The following MAGED1 variants were observed in gnomAD, a reference collection of about 807,000 sequenced individuals.
MAGED1 encodes the protein MAGE family member D1.
Under a neutral mutation model 54.1 loss-of-function variants are expected in MAGED1, and 3 were observed. That is an observed-to-expected ratio of 0.06 (90% CI 0.03 to 0.14). The LOEUF (loss-of-function observed/expected upper bound fraction) is 0.14, where lower values mean the gene tolerates loss of function less well. Ranked by LOEUF, MAGED1 falls within the 10% of genes least tolerant of loss-of-function variation. The probability of loss-of-function intolerance (pLI) is 1.00; values close to 1 mark genes in which losing one functional copy is unlikely to be tolerated. For synonymous variants in MAGED1, 217 were observed against 227.3 expected, an observed-to-expected ratio of 0.95 and a Z score of 0.41; for missense variants, 485 against 623.4, an observed-to-expected ratio of 0.78 and a Z score of 2.36.
At chrX:51,837,835 T>C (rs1489185753) in intron 1 of MAGED1, among the ~76,000 whole-genome samples, 1 of 112,531 alleles carries the variant, frequency 8.9e-6, no homozygotes, top group Non-Finnish European at 1.9e-5. Context: ...CCCAGGCTGC[T>C]TCTGCACTGT....
intron 2 of MAGED1, 98 bp from the exon 3 acceptor site, chrX:51,894,955 C>A: frequency 1.1e-6 from 1 of 924,388 alleles, no homozygotes; most frequent in Non-Finnish European, 1.5e-6. Flanking sequence ...CGCCCGCCTG[C>A]AGCTCCGCTG....
upstream of MAGED1, among the ~76,000 whole-genome samples, chrX:51,891,665 G>A (rs1390603823): frequency 7.1e-5 from 8 of 112,363 alleles, no homozygotes; most frequent in Admixed American, 1.9e-4. Context: ...CTAAATGGGG[G>A]AGAAAGGCAT....
intron 1 of MAGED1, 128 bp from the exon 2 acceptor site, chrX:51,894,141 A>G (rs1928581338): frequency 2.3e-6 from 1 of 436,996 alleles, no homozygotes; most frequent in Admixed American, 3.8e-5. Context: ...ATTCACTTTT[A>G]CCGCTCCGAT....
intron 1 of MAGED1, among the ~76,000 whole-genome samples, chrX:51,839,765 G>A (rs1926386211): frequency 9.0e-6 from 1 of 111,709 alleles, no homozygotes; most frequent in South Asian, 3.8e-4. Context: ...CAATATGTCT[G>A]CAAATATTTT....
At chrX:51,864,761 T>C (rs1252231799) in intron 1 of MAGED1, among the ~76,000 whole-genome samples, 2 of 111,904 alleles carry the variant, frequency 1.8e-5, no homozygotes, top group Non-Finnish European at 3.8e-5. Flanking sequence ...GGATTATTTA[T>C]TGTTAGTACA....
intron 1 of MAGED1, among the ~76,000 whole-genome samples, chrX:51,830,135 A>G (rs886961157): frequency 5.3e-5 from 6 of 112,339 alleles, no homozygotes; most frequent in African/African-American, 1.9e-4. Flanking sequence ...TCACATCAAT[A>G]TATATCAGTG....
At chrX:51,892,653 C>T (rs1569556001), upstream of MAGED1, among the ~76,000 whole-genome samples, 1 of 111,463 alleles carries the variant, frequency 9.0e-6, no homozygotes, top group Non-Finnish European at 1.9e-5. Context: ...AGAGCATGAG[C>T]TTGGGCCTCC....
chrX:51,832,192 G>A (rs1019896641), intron 1 of MAGED1, among the ~76,000 whole-genome samples: 1 of 110,321 alleles, frequency 9.1e-6, no homozygotes, highest in Non-Finnish European at 1.9e-5. Context: ...ACCACACCTG[G>A]CTAATTTTTG....
intron 1 of MAGED1, among the ~76,000 whole-genome samples, chrX:51,860,477 G>A (rs782403118): frequency 7.7e-4 from 86 of 111,672 alleles, no homozygotes; most frequent in African/African-American, 2.7e-3. Flanking sequence ...CAAGGATGAT[G>A]CCCAGTTGTC....
At chrX:51,860,606 A>G (rs1355384253) in intron 1 of MAGED1, among the ~76,000 whole-genome samples, 1 of 111,574 alleles carries the variant, frequency 9.0e-6, no homozygotes, top group Non-Finnish European at 1.9e-5. Context: ...TTCAGTAGGT[A>G]GTCCGGAATT....
intron 1 of MAGED1, among the ~76,000 whole-genome samples, chrX:51,862,164 T>C (rs1927304868): frequency 9.0e-6 from 1 of 111,630 alleles, no homozygotes; most frequent in African/African-American, 3.3e-5. Flanking sequence ...TTTGTATATC[T>C]GTTGTCCTAG....
intron 1 of MAGED1, among the ~76,000 whole-genome samples, chrX:51,846,002 C>G (rs898773989): frequency 1.8e-5 from 2 of 110,641 alleles, no homozygotes; most frequent in Non-Finnish European, 3.8e-5. Context: ...TCTTGAATTC[C>G]TGAGCTCAAG....
In MAGED1 at chrX:51,900,184, A is replaced by G; in HGVS notation, c.1847A>G (p.Tyr616Cys). 8.4e-7 allele frequency: 1 copy of G among 1,189,173 alleles called. No individual in the cohort carries two copies. The highest frequency in any genetic ancestry group is 1.1e-6 in the Non-Finnish European group (1 of 876,123). Residue 616 changes from tyrosine (Y) to cysteine (C), a missense_variant and splice_region_variant, in exon 11 of 13, where the codon TAC becomes TGC. Physicochemically the swap from Tyr to Cys is radical, Grantham distance 194. Around this residue, in one of 2 missense-constraint regions of MAGED1, gnomAD observed 186 missense variants for 330.3 expected, o/e 0.56. Coordinates refer to ENST00000326587, the MANE Select transcript of MAGED1 (RefSeq NM_006986.4). The part of the protein sequence containing the change: ...LLTYEFVKQK[Y>C]LDYRRVPNSN... Reference sequence around the variant, plus strand: ...CAAAGACTGTTTTGCTCTTTCAGATACCTGGACTACAGACGAGTGCCCAAC... The same window carrying G: ...CAAAGACTGTTTTGCTCTTTCAGATGCCTGGACTACAGACGAGTGCCCAAC...
chrX:51,858,100 C>G (rs1350594164), intron 1 of MAGED1: 2 of 112,458 alleles, frequency 1.8e-5, no homozygotes, highest in African/African-American at 6.5e-5. Flanking sequence ...ACACGCCTGC[C>G]AGTGTGCCAA....
chrX:51,884,572 T>C (rs1340737643), intron 1 of MAGED1, among the ~76,000 whole-genome samples: 2 of 112,086 alleles, frequency 1.8e-5, no homozygotes, highest in Non-Finnish European at 3.8e-5. Context: ...CAAAGAAGGA[T>C]GAACAGCATT....
intron 1 of MAGED1, among the ~76,000 whole-genome samples, chrX:51,813,747 G>A (rs1925308719): frequency 9.0e-6 from 1 of 111,520 alleles, no homozygotes; most frequent in African/African-American, 3.3e-5. Flanking sequence ...ATCATGGGGG[G>A]AAGGGAGTAT....
intron 5 of MAGED1, 56 bp from the exon 6 acceptor site, chrX:51,897,491 G>C: frequency 1.0e-6 from 1 of 989,934 alleles, no homozygotes; most frequent in Non-Finnish European, 1.4e-6. Context: ...CTGGCAAAGG[G>C]ACTGCTGCTC....
intron 1 of MAGED1, 127 bp from the exon 2 acceptor site, chrX:51,894,142 C>G: frequency 2.3e-6 from 1 of 437,270 alleles, no homozygotes; most frequent in South Asian, 4.1e-5. Flanking sequence ...TTCACTTTTA[C>G]CGCTCCGATC....
intron 1 of MAGED1, among the ~76,000 whole-genome samples, chrX:51,833,349 G>GT (rs1480829167): frequency 9.1e-6 from 1 of 109,675 alleles, no homozygotes. Context: ...CATACATTTA[G>GT]TTTTTTCTAT....
Sources: gnomAD v4.1 joint callset for allele counts (sites outside exome capture counted in the v4.1 genomes callset) on GRCh38, gnomAD v4.1.1 for gene constraint, gnomAD v4.1.1 regional missense constraint, MANE v1.5 for transcripts, NCBI Gene and HGNC (gene_info 2026-07-23, HGNC 2026-07-21) for gene names.